The following CDCP1 variants were observed in gnomAD, a reference collection of about 807,000 sequenced individuals.
The protein encoded by CDCP1 is CUB domain containing protein 1, also known as CUB domain-containing protein 1.
In CDCP1, 29 loss-of-function variants were observed where a neutral mutation model predicts 60.2. The observed-to-expected ratio is 0.48, with a 90% CI of 0.36 to 0.66. The LOEUF is 0.66. Among genes scored for constraint, CDCP1 ranks in the 30% least tolerant of loss-of-function variants. CDCP1 has a pLI of 0.00. For missense variants in CDCP1, 876 were observed against 1,074.3 expected, an observed-to-expected ratio of 0.82 and a Z score of 2.58; for synonymous variants, 387 against 431.1, an observed-to-expected ratio of 0.90 and a Z score of 1.27.
In CDCP1 at chr3:45,129,436, A is replaced by G. The variant is rs889268717; in HGVS notation, c.83-10815T>C. Among the ~76,000 whole-genome samples the G allele has an allele frequency of 5.9e-5, 9 of 152,398 alleles. No individual in the cohort carries two copies. In the East Asian group the frequency reaches 7.7e-4, roughly 13 times the overall value. ...TTGAACACGGGAATTGCAGAATTAA[A>G]TAACAAATATAACTCACCTTGTGAC... On this transcript the variant is annotated intron_variant, in intron 1 of 8. Coordinates refer to ENST00000296129, the MANE Select transcript of CDCP1 (RefSeq NM_022842.5).
At chr3:45,137,257 C>T (rs1699204811) in intron 1 of CDCP1, among the ~76,000 whole-genome samples, 1 of 152,196 alleles carries the variant, frequency 6.6e-6, no homozygotes, top group East Asian at 1.9e-4. Context: ...CTGTTCTGAT[C>T]CTTGTGTTTT....
intron 1 of CDCP1, among the ~76,000 whole-genome samples, chr3:45,125,844 C>G (rs1220866525): frequency 6.6e-6 from 1 of 152,230 alleles, no homozygotes; most frequent in Non-Finnish European, 1.5e-5. Context: ...AGCCATGGCC[C>G]TGGCCCTGAT....
chr3:45,086,649 G>A (rs1238889074), intron 8 of CDCP1, among the ~76,000 whole-genome samples: 1 of 152,224 alleles, frequency 6.6e-6, no homozygotes, highest in African/African-American at 2.4e-5. Flanking sequence ...GAGAGACCCA[G>A]TGCCTCAGTA....
chr3:45,125,696 G>T (rs1389689004), intron 1 of CDCP1, among the ~76,000 whole-genome samples: 1 of 152,198 alleles, frequency 6.6e-6, no homozygotes, highest in African/African-American at 2.4e-5. Context: ...GTCCTGGCTG[G>T]CTGGGTGGGG....
chr3:45,086,108 A>T (rs1698592475), intron 8 of CDCP1, 41 bp from the exon 9 acceptor site: 1 of 1,559,532 alleles, frequency 6.4e-7, no homozygotes, highest in Admixed American at 1.7e-5. Flanking sequence ...CAGAAAGGCA[A>T]GAATCTTCGA....
rs763055806 is a variant in CDCP1 at position 45,089,086 on chromosome 3, G to A, written c.2049C>T (p.Ala683=). ...AVGGGVLLLS[A]LGLIICCVKK... is the part of the protein sequence containing the mutation. The stretch of plus-strand genomic sequence containing the variant: ...TCACACAGCAAATGATGAGCCCGAG[G>A]GCAGACAGCAGTAAGACTCCACCTC... Residue 683 remains alanine, a synonymous_variant, in exon 8 of 9, where the codon GCC becomes GCT. Transcript: ENST00000296129. The A allele has an allele frequency of 1.2e-6, 2 of 1,614,132 alleles. No individual in the cohort carries two copies. The highest frequency in any genetic ancestry group is 1.1e-5 in the South Asian group (1 of 91,076).
chr3:45,091,432 G>T lies in CDCP1; in HGVS notation c.1734C>A (p.Ile578=). The change falls in exon 7 of 9, where the codon ATC becomes ATA. Residue 578 remains isoleucine, a synonymous_variant. Transcript: ENST00000296129. The surrounding 1 kb of genome is among the most constrained non-coding windows in gnomAD (Gnocchi z 4.8). ...LPSLTSVSWN[I]SVPRDQVACL... is the part of the protein sequence containing the mutation. ...AGGCCACCTGGTCTCTGGGCACGCTGATGTTCCAGGACACAGAGGTGAGGG... is the reference window on the plus strand; with the variant it reads ...AGGCCACCTGGTCTCTGGGCACGCTTATGTTCCAGGACACAGAGGTGAGGG... The T allele has an allele frequency of 6.2e-7, 1 of 1,613,260 alleles. No homozygotes were observed. Among genetic ancestry groups the T allele is most frequent in the Non-Finnish European group, 8.5e-7 (1 of 1,179,616 alleles).
Position 45,141,068 on chromosome 3 carries a change from G to T in CDCP1, c.82+5138C>A, listed in dbSNP as rs953113699. Among the ~76,000 whole-genome samples, 4 of 152,182 alleles carry T rather than the reference G, an allele frequency of 2.6e-5. No individual in the cohort carries two copies. The East Asian group carries it at 5.8e-4, about 22-fold the overall frequency. On this transcript the variant is annotated intron_variant, in intron 1 of 8. Transcript: ENST00000296129. Reference sequence around the variant, plus strand: ...ATACAAAAATTAGCTGGGCATGGTTGTGCACGCCTGTAATTCCAGCTACTT... The same window carrying T: ...ATACAAAAATTAGCTGGGCATGGTTTTGCACGCCTGTAATTCCAGCTACTT...
At chr3:45,140,228 C>A (rs1031870310) in intron 1 of CDCP1, among the ~76,000 whole-genome samples, 8 of 152,170 alleles carry the variant, frequency 5.3e-5, no homozygotes, top group African/African-American at 1.9e-4. Flanking sequence ...CCGACTTCAA[C>A]TCTATATAAT....
chr3:45,110,396 G>A, intron 4 of CDCP1, 77 bp downstream of exon 4: 1 of 1,546,994 alleles, frequency 6.5e-7, no homozygotes, highest in South Asian at 1.3e-5. Flanking sequence ...CAGGAAGGGA[G>A]CCTCACCCAG....
At chr3:45,100,951 C>T (rs976445368) in intron 4 of CDCP1, among the ~76,000 whole-genome samples, 8 of 152,198 alleles carry the variant, frequency 5.3e-5, no homozygotes, top group African/African-American at 1.7e-4. Flanking sequence ...AAATGATCCC[C>T]AAATCTGAAT....
Position 45,108,936 on chromosome 3 carries a change from C to CAT in CDCP1, c.1024+1535_1024+1536dup, listed in dbSNP as rs774813863. On this transcript the variant is annotated intron_variant, in intron 4 of 8. Transcript: ENST00000296129. The stretch of plus-strand genomic sequence containing the variant: ...ACATATATATATATATGCATGTATA[C>CAT]ATATATATATATATATATTTTTTTT... 1.2e-3 allele frequency among the ~76,000 whole-genome samples: 29 copies of CAT among 23,716 alleles called. 9 individuals are homozygous for CAT. The highest frequency in any genetic ancestry group is 3.0e-3 in the African/African-American group (22 of 7,404). The allele number at this position is 23,716 out of a possible 152,430, so 15.6% of individuals were successfully genotyped here. A position where few individuals can be genotyped will look rare whatever the true frequency, so the allele number is the denominator to read the frequency against.
intron 4 of CDCP1, among the ~76,000 whole-genome samples, chr3:45,107,121 A>T (rs551192858): frequency 2.6e-5 from 4 of 152,248 alleles, no homozygotes; most frequent in African/African-American, 9.6e-5. Flanking sequence ...AATTCCTTCC[A>T]TGAGTGACTT....
chr3:45,114,529 C>T (rs1383941886), intron 2 of CDCP1, among the ~76,000 whole-genome samples: 2 of 152,060 alleles, frequency 1.3e-5, no homozygotes, highest in Non-Finnish European at 1.5e-5. Context: ...ATCCTTCTGC[C>T]TCAGCCTCCC....
At chr3:45,123,753 G>T (rs1412986788) in intron 1 of CDCP1, among the ~76,000 whole-genome samples, 1 of 152,132 alleles carries the variant, frequency 6.6e-6, no homozygotes, top group Non-Finnish European at 1.5e-5. Context: ...ACAAATGCTT[G>T]GATCACATCT....
Position 45,091,584 on chromosome 3 carries a change from A to T in CDCP1, c.1628-46T>A. On this transcript the variant is annotated intron_variant, in intron 6 of 8. Transcript: ENST00000296129. This position sits in a 1 kb window ranked among gnomAD's most constrained non-coding sequence, Gnocchi z 4.8. ...TCCAGACAGATGTTTCATTCAGTCA[A>T]CATGGAGAGGAAAGGGAGTGGTGGA... The T allele has an allele frequency of 6.5e-7, 1 of 1,538,388 alleles. No individual in the cohort carries two copies. The highest frequency in any genetic ancestry group is 1.7e-4 in the Middle Eastern group (1 of 5,798).
At chr3:45,090,508 C>T (rs537441887) in intron 7 of CDCP1, among the ~76,000 whole-genome samples, 7 of 152,258 alleles carry the variant, frequency 4.6e-5, no homozygotes, top group African/African-American at 7.2e-5. Context: ...TTCATGACAC[C>T]GAATCCCATG....
chr3:45,128,457 C>T (rs1356509010), intron 1 of CDCP1, among the ~76,000 whole-genome samples: 1 of 152,212 alleles, frequency 6.6e-6, no homozygotes, highest in African/African-American at 2.4e-5. Flanking sequence ...ACATCAGGGT[C>T]CCACCCCCTC....
At position 45,083,066 on chromosome 3, in the gene CDCP1, G is replaced by A. The variant is rs965157289; in HGVS notation, c.*2572C>T. The A allele has an allele frequency of 6.6e-6, 1 of 152,218 alleles. No homozygotes were observed. Among genetic ancestry groups the A allele is most frequent in the Non-Finnish European group, 1.5e-5 (1 of 68,050 alleles). The allele number at this position is 152,218 out of a possible 1,614,324, so 9.4% of individuals were successfully genotyped here. On this transcript the variant is annotated 3_prime_UTR_variant, in exon 9 of 9. Coordinates refer to ENST00000296129, the MANE Select transcript of CDCP1 (RefSeq NM_022842.5). Reference sequence around the variant, plus strand: ...GGTGACAAGTAGCCAGCCTAAGGAAGGCCAATCCCACCTTGGGTGGAATGC... The same window carrying A: ...GGTGACAAGTAGCCAGCCTAAGGAAAGCCAATCCCACCTTGGGTGGAATGC...
Sources: allele counts gnomAD v4.1 joint callset (sites outside exome capture counted in the v4.1 genomes callset), GRCh38; gene constraint gnomAD v4.1.1; non-coding constraint Gnocchi (gnomAD v3.1); transcripts MANE v1.5; gene names NCBI Gene and HGNC (gene_info 2026-07-23, HGNC 2026-07-21).